The following ANXA2 variants were observed in gnomAD, a reference collection of about 807,000 sequenced individuals.
The protein encoded by ANXA2 is annexin II.
A neutral mutation model predicts 47.3 loss-of-function variants in ANXA2; 28 were observed. The ratio of observed to expected loss-of-function variants is 0.59; its 90% CI spans 0.44 to 0.81. The LOEUF is 0.81. ANXA2 is among the 40% of genes least tolerant of loss of function. The pLI, the probability that ANXA2 is intolerant of heterozygous loss-of-function variation, is 0.00. For synonymous variants in ANXA2, 172 were observed against 155.5 expected (o/e 1.11, Z -0.79); for missense variants, 384 against 414.3 (o/e 0.93, Z 0.64).
At position 60,349,141 on chromosome 15, in the gene ANXA2, C is replaced by T; in HGVS notation, c.894G>A (p.Val298=). 2 of 1,613,980 alleles carry T rather than the reference C, an allele frequency of 1.2e-6. No individual in the cohort carries two copies. The highest frequency in any genetic ancestry group is 1.1e-5 in the South Asian group (1 of 91,072). ...LIRIMVSRSE[V]DMLKIRSEFK... ...ATTCAGACCTAATTTTCAACATGTC[C>T]ACTTCACTGCGGGAGACCATGATTC... is the stretch of plus-strand genomic sequence containing the variant. Residue 298 remains valine (V), a synonymous_variant, in exon 12 of 13, where the codon GTG becomes GTA. Transcript: ENST00000451270.
intron 1 of ANXA2, chr15:60,386,905 T>G (rs10851680): frequency 0.8 from 121,256 of 152,096 alleles, 48,919 homozygotes; most frequent in East Asian, 1. Context: ...ACCCCAAGAA[T>G]AAAGAAAACA....
intron 3 of ANXA2, among the ~76,000 whole-genome samples, 173 bp downstream of exon 3, chr15:60,382,169 G>A (rs1244198849): frequency 6.6e-6 from 1 of 151,894 alleles, no homozygotes; most frequent in Non-Finnish European, 1.5e-5. Flanking sequence ...AGAAAGAAAG[G>A]AAGGAGGGAA....
intron 3 of ANXA2, chr15:60,374,421 A>T (rs761752927): frequency 2.2e-6 from 1 of 455,534 alleles, no homozygotes; most frequent in Admixed American, 2.4e-5. Flanking sequence ...AACAGATGCG[A>T]GAGAAACCAA....
At position 60,351,110 on chromosome 15, in the gene ANXA2, A is replaced by G. The variant is rs574943550; in HGVS notation, c.837+83T>C. 4.2e-4 allele frequency: 608 copies of G among 1,454,378 alleles called. 1 individual carries two copies. The highest frequency in any genetic ancestry group is 5.5e-4 in the Non-Finnish European group (573 of 1,039,852). 90.1% of individuals were successfully genotyped at this position (1,454,378 alleles called of 1,614,324 possible). A position where few individuals can be genotyped will look rare whatever the true frequency, so the allele number is the denominator to read the frequency against. ...ACAGTGGGGTCCCCTTCCTCCATCCATGAATCAAGGAGACTCAATTTGGGA... is the reference window on the plus strand; with the variant it reads ...ACAGTGGGGTCCCCTTCCTCCATCCGTGAATCAAGGAGACTCAATTTGGGA... On this transcript the variant is annotated intron_variant, in intron 11 of 12. Transcript: ENST00000451270.
At position 60,347,313 on chromosome 15, in the gene ANXA2, C is replaced by G. The variant is rs1895760301; in HGVS notation, c.*317G>C. 2.7e-6 allele frequency: 1 copy of G among 375,290 alleles called. No homozygotes were observed. The highest frequency in any genetic ancestry group is 2.1e-5 in the African/African-American group (1 of 48,752). The allele number at this position is 375,290 out of a possible 1,614,324, so 23.2% of individuals were successfully genotyped here. On this transcript the variant is annotated 3_prime_UTR_variant, in exon 13 of 13. Transcript: ENST00000451270. ...AATTTTCAAACAATTCAGTTGAAAG[C>G]AGGGCCACAAAGTACGTGTTTCTAA... is the stretch of plus-strand genomic sequence containing the variant.
intron 4 of ANXA2, among the ~76,000 whole-genome samples, chr15:60,361,906 C>G (rs1395244783): frequency 6.8e-6 from 1 of 146,216 alleles, no homozygotes; most frequent in Non-Finnish European, 1.5e-5. Context: ...CTTCTTTTCG[C>G]TTTTTTTTTT....
chr15:60,390,837 G>C (rs934501344), intron 1 of ANXA2, among the ~76,000 whole-genome samples: 1 of 152,118 alleles, frequency 6.6e-6, no homozygotes, highest in Admixed American at 6.5e-5. Flanking sequence ...TCTATTATTC[G>C]CTGGAAGGAA....
intron 3 of ANXA2, among the ~76,000 whole-genome samples, chr15:60,365,278 T>G (rs2062579536): frequency 6.6e-6 from 1 of 152,160 alleles, no homozygotes; most frequent in Non-Finnish European, 1.5e-5. Flanking sequence ...TTGGAACATG[T>G]GTATTTACAA....
chr15:60,396,749 C>G (rs1053286816), intron 1 of ANXA2, among the ~76,000 whole-genome samples: 1 of 152,226 alleles, frequency 6.6e-6, no homozygotes, highest in Non-Finnish European at 1.5e-5. Context: ...GTAGCACACA[C>G]GTGTGAACAG....
At chr15:60,381,485 T>C (rs1372887625) in intron 3 of ANXA2, among the ~76,000 whole-genome samples, 1 of 152,182 alleles carries the variant, frequency 6.6e-6, no homozygotes, top group East Asian at 1.9e-4. Flanking sequence ...CCAGAAAGTC[T>C]GAACATCCTA....
chr15:60,366,810 G>GC (rs2062619698), intron 3 of ANXA2, among the ~76,000 whole-genome samples: 2 of 136,604 alleles, frequency 1.5e-5, no homozygotes, highest in African/African-American at 5.6e-5. Flanking sequence ...GGCGGGGGGG[G>GC]GGGGGGTCGG....
At chr15:60,371,645 T>C (rs550177413) in intron 3 of ANXA2, among the ~76,000 whole-genome samples, 6 of 152,230 alleles carry the variant, frequency 3.9e-5, no homozygotes, top group African/African-American at 7.2e-5. Flanking sequence ...GGGGGTTGAC[T>C]TGGAAAACAA....
At chr15:60,349,317 C>G in intron 11 of ANXA2, 120 bp from the exon 12 acceptor site, 1 of 1,090,502 alleles carries the variant, frequency 9.2e-7, no homozygotes, top group Non-Finnish European at 1.3e-6. Context: ...AAATCCAAAA[C>G]TTTTTCAGTG....
At chr15:60,353,369 C>G (rs1163822534) in intron 8 of ANXA2, among the ~76,000 whole-genome samples, 1 of 152,172 alleles carries the variant, frequency 6.6e-6, no homozygotes, top group Non-Finnish European at 1.5e-5. Context: ...GAGCAGTACA[C>G]CATCCTGTCC....
intron 5 of ANXA2, 56 bp from the exon 6 acceptor site, chr15:60,357,292 A>T: frequency 7.0e-7 from 1 of 1,424,710 alleles, no homozygotes; most frequent in Non-Finnish European, 9.9e-7. Flanking sequence ...CCATTAGCCT[A>T]CTTCTCTGAT....
At chr15:60,363,839 A>G (rs947201387) in intron 4 of ANXA2, among the ~76,000 whole-genome samples, 1 of 152,254 alleles carries the variant, frequency 6.6e-6, no homozygotes, top group Admixed American at 6.5e-5. Flanking sequence ...AGTGGAGGCT[A>G]GTATCCTAAA....
In ANXA2 at chr15:60,367,475, G is replaced by A. The variant is rs1298714437; in HGVS notation, c.149-2952C>T. 1.8e-4 allele frequency among the ~76,000 whole-genome samples: 11 copies of A among 61,846 alleles called. 1 individual carries two copies. The highest frequency in any genetic ancestry group is 8.6e-4 in the African/African-American group (11 of 12,766). 40.6% of individuals were successfully genotyped at this position (61,846 alleles called of 152,430 possible). ...CCCCTTCCGGCCGGCCGCCCCGTCC[G>A]GGAGGTGAGGGGCGCCTCTGCCCGG... On this transcript the variant is annotated intron_variant, in intron 3 of 12. Coordinates refer to ENST00000451270, the MANE Select transcript of ANXA2 (RefSeq NM_004039.3).
At chr15:60,365,639 G>C (rs1402861434) in intron 3 of ANXA2, among the ~76,000 whole-genome samples, 1 of 152,216 alleles carries the variant, frequency 6.6e-6, no homozygotes, top group African/African-American at 2.4e-5. Flanking sequence ...GAATTCTCAA[G>C]TGTGTTAGAT....
chr15:60,380,639 T>A (rs948940836), intron 3 of ANXA2, among the ~76,000 whole-genome samples: 2 of 151,512 alleles, frequency 1.3e-5, no homozygotes, highest in African/African-American at 4.9e-5. Context: ...ACCCTGTCTC[T>A]ACTAAAAACA....
Sources: gnomAD v4.1 joint callset for allele counts (sites outside exome capture counted in the v4.1 genomes callset) on GRCh38, gnomAD v4.1.1 for gene constraint, MANE v1.5 for transcripts, NCBI Gene and HGNC (gene_info 2026-07-23, HGNC 2026-07-21) for gene names.